Variants in TEX48 observed in about 807,000 individuals in gnomAD.
The protein encoded by TEX48 is testis expressed 48, also known as testis-expressed protein 48.
A neutral mutation model predicts 13.2 loss-of-function variants in TEX48; 10 were observed. That is an observed-to-expected ratio of 0.75 (90% confidence interval 0.47 to 1.28). The LOEUF (loss-of-function observed/expected upper bound fraction) is 1.28, where lower values mean the gene tolerates loss of function less well. Among genes scored for constraint, TEX48 ranks in the 50% most tolerant of loss-of-function variants. TEX48 has a pLI of 0.00. For synonymous variants in TEX48, 45 were observed against 52.3 expected (o/e 0.86, Z 0.60); for missense variants, 116 against 139.4 (o/e 0.83, Z 0.84).
At chr9:114,668,494 G>T (rs1223087185) in intron 3 of TEX48, among the ~76,000 whole-genome samples, 157 bp from the exon 4 acceptor site, 1 of 152,114 alleles carries the variant, frequency 6.6e-6, no homozygotes, top group Non-Finnish European at 1.5e-5. Context: ...TCCTCTGAGG[G>T]CTTCCCCTCA....
Position 114,671,732 on chromosome 9 carries a change from G to T in TEX48, c.-9C>A. The T allele has an allele frequency of 6.5e-7, 1 of 1,535,634 alleles. No homozygotes were observed. The highest frequency in any genetic ancestry group is 8.7e-7 in the Non-Finnish European group (1 of 1,146,860). ...AAAGTTTTCTTACCCATGGAAAGGA[G>T]TTGAAACTTCTACTCTGCCAGCTTT... On this transcript the variant is annotated 5_prime_UTR_variant, in exon 2 of 5. Coordinates refer to ENST00000436752, the MANE Select transcript of TEX48 (RefSeq NM_001199233.2).
chr9:114,668,029 G>A (rs984305866), intron 4 of TEX48, among the ~76,000 whole-genome samples, 177 bp downstream of exon 4: 1 of 152,072 alleles, frequency 6.6e-6, no homozygotes, highest in African/African-American at 2.4e-5. Context: ...AGTGGAGTCA[G>A]GTCTTAGCCT....
At chr9:114,668,682 G>A (rs1027295099) in intron 3 of TEX48, among the ~76,000 whole-genome samples, 3 of 151,986 alleles carry the variant, frequency 2.0e-5, no homozygotes, top group South Asian at 2.1e-4. Flanking sequence ...TAATGCATAC[G>A]CTTTATAGAA....
intron 1 of TEX48, among the ~76,000 whole-genome samples, chr9:114,674,659 TTCCTTCC>T (rs750153325): frequency 0.17 from 15,021 of 90,262 alleles, 2,010 homozygotes; most frequent in African/African-American, 0.19. Flanking sequence ...CCTTCCTTCC[TTCCTTCC>T]TTCTTTCCTT....
At chr9:114,674,609 CCTTCCTTCCTTCCTT>C (rs1470277782) in intron 1 of TEX48, among the ~76,000 whole-genome samples, 2 of 23,762 alleles carry the variant, frequency 8.4e-5, no homozygotes, top group Non-Finnish European at 2.1e-4. Context: ...TTCTTTCCTT[CCTTCCTTCCTTCCTT>C]CCTTCCTTCC....
At chr9:114,669,856 G>A (rs1564315738) in intron 3 of TEX48, among the ~76,000 whole-genome samples, 1 of 152,210 alleles carries the variant, frequency 6.6e-6, no homozygotes, top group African/African-American at 2.4e-5. Flanking sequence ...TTATAGGTGT[G>A]AGCCACTGTG....
chr9:114,674,842 C>CTTTTTTT (rs79196358), intron 1 of TEX48, among the ~76,000 whole-genome samples: 1 of 135,124 alleles, frequency 7.4e-6, no homozygotes, highest in South Asian at 2.4e-4. Flanking sequence ...CCAGCAAATT[C>CTTTTTTT]TTTTTTTTTT....
At chr9:114,671,061 T>C (rs1827936298) in intron 3 of TEX48, among the ~76,000 whole-genome samples, 1 of 152,190 alleles carries the variant, frequency 6.6e-6, no homozygotes, top group Non-Finnish European at 1.5e-5. Context: ...CAAACTATCA[T>C]GTACATTCAA....
At chr9:114,674,659 TTCC>T (rs1828026762) in intron 1 of TEX48, among the ~76,000 whole-genome samples, 1 of 90,462 alleles carries the variant, frequency 1.1e-5, no homozygotes, top group Non-Finnish European at 2.1e-5. Context: ...CCTTCCTTCC[TTCC>T]TTCCTTCTTT....
At chr9:114,674,137 A>G (rs972473347) in intron 1 of TEX48, among the ~76,000 whole-genome samples, 2 of 152,070 alleles carry the variant, frequency 1.3e-5, no homozygotes, top group African/African-American at 4.8e-5. Context: ...TTTCTCCAAA[A>G]TTCAGTGGTT....
intron 3 of TEX48, among the ~76,000 whole-genome samples, chr9:114,670,783 A>G (rs1407020939): frequency 6.6e-6 from 1 of 152,178 alleles, no homozygotes; most frequent in East Asian, 1.9e-4. Context: ...GCAGCAGAAC[A>G]TACTCTATCC....
At chr9:114,674,711 T>C (rs1190917109) in intron 1 of TEX48, among the ~76,000 whole-genome samples, 1 of 150,540 alleles carries the variant, frequency 6.6e-6, no homozygotes, top group Non-Finnish European at 1.5e-5. Context: ...TGACAGGGTC[T>C]AGCTCTATGC....
At chr9:114,671,582 G>A in intron 2 of TEX48, 77 bp from the exon 3 acceptor site, 1 of 1,527,832 alleles carries the variant, frequency 6.5e-7, no homozygotes, top group Non-Finnish European at 8.8e-7. Flanking sequence ...TGACTGTGGT[G>A]GGGGTATCAT....
chr9:114,674,842 C>CTT (rs79196358), intron 1 of TEX48, among the ~76,000 whole-genome samples: 48,364 of 134,870 alleles, frequency 0.36, 8,692 homozygotes, highest in Admixed American at 0.41. Flanking sequence ...CCAGCAAATT[C>CTT]TTTTTTTTTT....
At chr9:114,676,790 G>A (rs749555032) in intron 1 of TEX48, among the ~76,000 whole-genome samples, 9 of 151,836 alleles carry the variant, frequency 5.9e-5, no homozygotes, top group Non-Finnish European at 1.3e-4. Context: ...CTAATTTTTT[G>A]TATTTTTAGT....
intron 1 of TEX48, among the ~76,000 whole-genome samples, chr9:114,674,580 T>TC (rs1828017127): frequency 1.4e-5 from 1 of 71,476 alleles, no homozygotes; most frequent in Non-Finnish European, 2.3e-5. Flanking sequence ...TTTTCTTTCT[T>TC]TTTTTCTCTT....
At position 114,680,472 on chromosome 9, in the gene TEX48, G is replaced by A. The variant is rs183759846; in HGVS notation, c.-105+1563C>T. Among the ~76,000 whole-genome samples the A allele has an allele frequency of 2.2e-3, 331 of 152,270 alleles. 1 individual carries two copies. The highest frequency in any genetic ancestry group is 8.7e-3 in the East Asian group (45 of 5,172). On this transcript the variant is annotated intron_variant, in intron 1 of 4. Coordinates refer to ENST00000436752, the MANE Select transcript of TEX48 (RefSeq NM_001199233.2). ...TCATTCAGGTTCTGTTGTCCAGAGAGCTGAATGCTTTTATGTAGCCTCTGG... is the reference window on the plus strand; with the variant it reads ...TCATTCAGGTTCTGTTGTCCAGAGAACTGAATGCTTTTATGTAGCCTCTGG...
At chr9:114,675,110 T>C (rs1564317343) in intron 1 of TEX48, among the ~76,000 whole-genome samples, 2 of 152,204 alleles carry the variant, frequency 1.3e-5, no homozygotes, top group South Asian at 4.1e-4. Flanking sequence ...GAGCAGTACC[T>C]AGTGCAGTGT....
At chr9:114,677,206 T>A (rs1271368657) in intron 1 of TEX48, among the ~76,000 whole-genome samples, 1 of 151,216 alleles carries the variant, frequency 6.6e-6, no homozygotes, top group African/African-American at 2.4e-5. Flanking sequence ...TCTCCAATAG[T>A]CTTTTGGATC....
Sources: gnomAD v4.1 joint callset for allele counts (sites outside exome capture counted in the v4.1 genomes callset) on GRCh38, gnomAD v4.1.1 for gene constraint, MANE v1.5 for transcripts, NCBI Gene and HGNC (gene_info 2026-07-23, HGNC 2026-07-21) for gene names.